The following PCTP variants were observed in gnomAD, a reference collection of about 807,000 sequenced individuals.
The protein encoded by PCTP is phosphatidylcholine transfer protein, also known as START domain-containing protein 2.
Under a neutral mutation model 31.0 loss-of-function variants are expected in PCTP, and 27 were observed. The ratio of observed to expected loss-of-function variants is 0.87; its 90% CI spans 0.64 to 1.20. The LOEUF is 1.20. Among genes scored for constraint, PCTP ranks in the 50% most tolerant of loss-of-function variants. PCTP has a pLI of 0.00. For missense variants in PCTP, 287 were observed against 268.2 expected (o/e 1.07, Z -0.49); for synonymous variants, 108 against 101.2 (o/e 1.07, Z -0.40).
chr17:55,801,495 G>T (rs1598006454), intron 3 of PCTP, among the ~76,000 whole-genome samples: 2 of 151,930 alleles, frequency 1.3e-5, no homozygotes, highest in African/African-American at 4.8e-5. Flanking sequence ...GTAAAAGAAC[G>T]GAAATCATAA....
At chr17:55,843,981 A>C (rs1172638989), downstream of PCTP, among the ~76,000 whole-genome samples, 1 of 152,222 alleles carries the variant, frequency 6.6e-6, no homozygotes, top group Non-Finnish European at 1.5e-5. Context: ...CAATTTTCCA[A>C]GGTCAGCAGT....
intron 3 of PCTP, among the ~76,000 whole-genome samples, chr17:55,795,561 C>T (rs1036820617): frequency 1.8e-4 from 28 of 152,044 alleles, no homozygotes; most frequent in African/African-American, 6.5e-4. Flanking sequence ...AGTTTCTTCA[C>T]CCATGGAAGG....
intron 3 of PCTP, among the ~76,000 whole-genome samples, chr17:55,800,564 A>G (rs1912340615): frequency 6.6e-6 from 1 of 151,902 alleles, no homozygotes; most frequent in African/African-American, 2.4e-5. Flanking sequence ...CACCTTCTGA[A>G]GCCTACTTCT....
chr17:55,832,160 C>T (rs1022131091), intron 5 of PCTP, among the ~76,000 whole-genome samples: 3 of 152,178 alleles, frequency 2.0e-5, no homozygotes, highest in African/African-American at 4.8e-5. Flanking sequence ...CCTTTCTGCA[C>T]ACCACAATAG....
At chr17:55,808,075 A>G (rs1015800482) in intron 3 of PCTP, among the ~76,000 whole-genome samples, 6 of 152,166 alleles carry the variant, frequency 3.9e-5, no homozygotes, top group Non-Finnish European at 7.4e-5. Context: ...CTTTATATAT[A>G]TTATATCATT....
intron 1 of PCTP, among the ~76,000 whole-genome samples, chr17:55,762,247 A>ATTTT (rs1463647171): frequency 3.9e-5 from 6 of 152,184 alleles, no homozygotes. Flanking sequence ...AAGTTCAACC[A>ATTTT]GTTGGGTTAA....
intron 5 of PCTP, among the ~76,000 whole-genome samples, chr17:55,840,871 T>G (rs1905957943): frequency 6.6e-6 from 1 of 152,242 alleles, no homozygotes; most frequent in Admixed American, 6.5e-5. Context: ...TCTGGATTTT[T>G]GGATTTGGGA....
chr17:55,824,349 A>C (rs1332136238), downstream of PCTP, among the ~76,000 whole-genome samples: 1 of 152,132 alleles, frequency 6.6e-6, no homozygotes, highest in Non-Finnish European at 1.5e-5. Context: ...TTCTAAAATG[A>C]AGATGGAAAC....
chr17:55,754,748 A>C (rs752009116), intron 1 of PCTP, among the ~76,000 whole-genome samples: 5 of 151,982 alleles, frequency 3.3e-5, no homozygotes, highest in Non-Finnish European at 7.4e-5. Flanking sequence ...TCTTGGCTCA[A>C]CTCCTGAGGC....
chr17:55,790,103 AC>A lies in PCTP; in HGVS notation c.317+2452del, dbSNP rs759184160. Among the ~76,000 whole-genome samples, 38 of 152,274 alleles carry A rather than the reference AC, an allele frequency of 2.5e-4. No individual in the cohort carries two copies. In the East Asian group the frequency reaches 3.1e-3, roughly 12 times the overall value. On this transcript the variant is annotated intron_variant, in intron 3 of 3. Transcript: ENST00000572536. ...AAAAGGCCTTGGACAAAATTCAGCAACCCTTCATGCTAAAAACTCTCAATAA... is the reference window on the plus strand; with the variant it reads ...AAAAGGCCTTGGACAAAATTCAGCAACCTTCATGCTAAAAACTCTCAATAA...
intron 3 of PCTP, among the ~76,000 whole-genome samples, chr17:55,795,286 A>G (rs1406092257): frequency 6.6e-6 from 1 of 152,074 alleles, no homozygotes; most frequent in African/African-American, 2.4e-5. Context: ...ACGTAGTCTG[A>G]CTGCTTGCTT....
chr17:55,820,525 T>C (rs999288207), intron 3 of PCTP, among the ~76,000 whole-genome samples: 2 of 152,142 alleles, frequency 1.3e-5, no homozygotes, highest in Non-Finnish European at 2.9e-5. Flanking sequence ...GTCATTAATC[T>C]CATTCACGAG....
intron 5 of PCTP, among the ~76,000 whole-genome samples, chr17:55,836,104 C>T (rs1206091733): frequency 6.6e-6 from 1 of 152,174 alleles, no homozygotes; most frequent in African/African-American, 2.4e-5. Context: ...TAACATGACC[C>T]AACCTTGTAG....
intron 5 of PCTP, among the ~76,000 whole-genome samples, chr17:55,838,625 A>G (rs1385613299): frequency 6.6e-6 from 1 of 152,214 alleles, no homozygotes; most frequent in African/African-American, 2.4e-5. Flanking sequence ...AAGACCTTCC[A>G]TGATATTTAT....
At chr17:55,831,797 C>A (rs906636541) in intron 5 of PCTP, among the ~76,000 whole-genome samples, 1 of 152,106 alleles carries the variant, frequency 6.6e-6, no homozygotes, top group Non-Finnish European at 1.5e-5. Context: ...AACAGAAACA[C>A]CCGGCTGGAC....
chr17:55,777,706 T>TA (rs34071456), downstream of PCTP, among the ~76,000 whole-genome samples: 32,369 of 152,142 alleles, frequency 0.21, 4,047 homozygotes, highest in African/African-American at 0.36. Flanking sequence ...GGACCTGCAC[T>TA]TTCCATAACT....
chr17:55,796,204 G>T (rs1381550186), intron 3 of PCTP, among the ~76,000 whole-genome samples: 1 of 151,958 alleles, frequency 6.6e-6, no homozygotes, highest in Non-Finnish European at 1.5e-5. Flanking sequence ...ATTTCTCTTA[G>T]AACTGGATTG....
intron 2 of PCTP, chr17:55,769,585 T>G (rs552508093): frequency 2.0e-5 from 3 of 152,368 alleles, no homozygotes; most frequent in African/African-American, 7.2e-5. Flanking sequence ...CATCAACAGC[T>G]TTCACTCTGG....
chr17:55,756,737 GTGTGTA>G (rs1910045025), intron 1 of PCTP, among the ~76,000 whole-genome samples: 1 of 93,304 alleles, frequency 1.1e-5, no homozygotes, highest in Admixed American at 1.1e-4. Flanking sequence ...GTGTGTGTGT[GTGTGTA>G]TATATGTATA....
Sources: allele counts gnomAD v4.1 joint callset (sites outside exome capture counted in the v4.1 genomes callset), GRCh38; gene constraint gnomAD v4.1.1; transcripts MANE v1.5; gene names NCBI Gene and HGNC (gene_info 2026-07-23, HGNC 2026-07-21).